The following CDH13 variants were observed in gnomAD, a reference collection of about 807,000 sequenced individuals.
CDH13 encodes the protein cadherin 13, also known as cadherin-13.
CDH13 carries 24 observed loss-of-function variants against 63.8 expected under a neutral mutation model. The ratio of observed to expected loss-of-function variants is 0.38; its 90% CI spans 0.27 to 0.53. CDH13 has a LOEUF of 0.53. CDH13 is among the 20% of genes least tolerant of loss of function. CDH13 has a pLI of 0.85. For missense variants in CDH13, 1,049 were observed against 903.1 expected, an observed-to-expected ratio of 1.16 and a Z score of -2.07; for synonymous variants, 503 against 355.3, an observed-to-expected ratio of 1.42 and a Z score of -4.67.
intron 7 of CDH13, among the ~76,000 whole-genome samples, chr16:83,564,210 G>A (rs946950422): frequency 3.3e-5 from 5 of 152,082 alleles, no homozygotes; most frequent in African/African-American, 9.7e-5. Context: ...AATCCCCAGA[G>A]ATGAAAATTG....
chr16:82,896,540 C>G (rs899698876), intron 2 of CDH13, among the ~76,000 whole-genome samples: 1 of 151,676 alleles, frequency 6.6e-6, no homozygotes, highest in Non-Finnish European at 1.5e-5. Flanking sequence ...AAGCAATCCG[C>G]CTGCCTTGGC....
At chr16:82,774,583 C>T (rs1027279324) in intron 1 of CDH13, among the ~76,000 whole-genome samples, 3 of 152,176 alleles carry the variant, frequency 2.0e-5, no homozygotes, top group African/African-American at 4.8e-5. Flanking sequence ...CCTTGGTGCT[C>T]ATCTCTGTGC....
At chr16:82,663,621 G>C (rs1211354495) in intron 1 of CDH13, among the ~76,000 whole-genome samples, 1 of 152,166 alleles carries the variant, frequency 6.6e-6, no homozygotes, top group Non-Finnish European at 1.5e-5. Context: ...AAAGCATCTT[G>C]CTTTGGCCGC....
intron 6 of CDH13, among the ~76,000 whole-genome samples, chr16:83,427,183 G>A (rs917894518): frequency 6.6e-6 from 1 of 151,666 alleles, no homozygotes; most frequent in African/African-American, 2.4e-5. Context: ...CAAAGTGCTG[G>A]GATTACAGGT....
intron 10 of CDH13, among the ~76,000 whole-genome samples, chr16:83,734,011 G>C (rs1911295158): frequency 6.6e-6 from 1 of 152,148 alleles, no homozygotes; most frequent in Non-Finnish European, 1.5e-5. Context: ...TTGTAATAAA[G>C]TGTTATTAGT....
chr16:83,394,401 G>A (rs946600263), intron 6 of CDH13, among the ~76,000 whole-genome samples: 4 of 152,154 alleles, frequency 2.6e-5, no homozygotes, highest in African/African-American at 9.7e-5. Context: ...GTGGATAACT[G>A]GAGGTACAGC....
chr16:82,720,909 G>A (rs191672053), intron 1 of CDH13, among the ~76,000 whole-genome samples: 215 of 152,286 alleles, frequency 1.4e-3, no homozygotes, highest in Non-Finnish European at 2.2e-3. Context: ...TAGATGCTCA[G>A]TAAATACTAA....
intron 4 of CDH13, among the ~76,000 whole-genome samples, chr16:83,192,131 C>G (rs2038737968): frequency 6.6e-6 from 1 of 152,208 alleles, no homozygotes; most frequent in African/African-American, 2.4e-5. Flanking sequence ...AATTCACACT[C>G]AAGCCTCAAG....
At chr16:82,879,190 G>C (rs1485808277) in intron 2 of CDH13, among the ~76,000 whole-genome samples, 1 of 152,032 alleles carries the variant, frequency 6.6e-6, no homozygotes, top group East Asian at 1.9e-4. Context: ...CCCAGCTCTG[G>C]CACCTGAATG....
At chr16:83,701,231 G>C (rs1906172299) in intron 10 of CDH13, among the ~76,000 whole-genome samples, 2 of 152,206 alleles carry the variant, frequency 1.3e-5, no homozygotes, top group South Asian at 4.1e-4. Flanking sequence ...TCCCTGAAAA[G>C]ATGAGAGACT....
At chr16:83,262,313 C>T (rs942709066) in intron 5 of CDH13, among the ~76,000 whole-genome samples, 56 of 152,180 alleles carry the variant, frequency 3.7e-4, no homozygotes, top group African/African-American at 1.3e-3. Context: ...ATTAAGTCTG[C>T]ACAGCTGTGG....
intron 1 of CDH13, among the ~76,000 whole-genome samples, chr16:82,805,881 A>G (rs62036825): frequency 0.047 from 7,204 of 152,312 alleles, 206 homozygotes; most frequent in Admixed American, 0.069. Context: ...AAATAAGACA[A>G]CTGTCTGTCT....
At chr16:82,735,624 G>T (rs567467449) in intron 1 of CDH13, among the ~76,000 whole-genome samples, 14 of 152,280 alleles carry the variant, frequency 9.2e-5, no homozygotes, top group South Asian at 2.1e-4. Flanking sequence ...AGTGTGATGT[G>T]GTTTGACACA....
intron 1 of CDH13, among the ~76,000 whole-genome samples, chr16:82,679,031 A>G (rs1914250042): frequency 6.6e-6 from 1 of 151,980 alleles, no homozygotes; most frequent in South Asian, 2.1e-4. Context: ...GCTGAGGCAC[A>G]CTCCTCCCAA....
chr16:83,625,860 C>T (rs191420236), intron 8 of CDH13, among the ~76,000 whole-genome samples: 7 of 152,144 alleles, frequency 4.6e-5, no homozygotes, highest in African/African-American at 1.2e-4. Context: ...GTAAGCCACG[C>T]GGTAGCCAGA....
intron 2 of CDH13, among the ~76,000 whole-genome samples, chr16:83,022,192 T>G (rs1915405630): frequency 6.6e-6 from 1 of 152,224 alleles, no homozygotes; most frequent in South Asian, 2.1e-4. Context: ...ATTTCTGAAT[T>G]AAATGCTACT....
chr16:83,203,863 G>C (rs574425645), intron 4 of CDH13, among the ~76,000 whole-genome samples: 1 of 152,082 alleles, frequency 6.6e-6, no homozygotes, highest in East Asian at 1.9e-4. Context: ...CCGAGGGCAT[G>C]ATTAATTTAT....
intron 7 of CDH13, among the ~76,000 whole-genome samples, chr16:83,534,835 A>G (rs2075153239): frequency 6.6e-6 from 1 of 152,238 alleles, no homozygotes; most frequent in Non-Finnish European, 1.5e-5. Context: ...GTGCGTATAC[A>G]CACCCAAAAT....
chr16:83,156,424 T>G (rs77876646), intron 4 of CDH13, among the ~76,000 whole-genome samples: 6,416 of 152,242 alleles, frequency 0.042, 175 homozygotes, highest in East Asian at 0.14. Context: ...TCCATGGCCC[T>G]CTAAGATACA....
Sources: allele counts gnomAD v4.1 joint callset (sites outside exome capture counted in the v4.1 genomes callset), GRCh38; gene constraint gnomAD v4.1.1; transcripts MANE v1.5; gene names NCBI Gene and HGNC (gene_info 2026-07-23, HGNC 2026-07-21).